Variants in BTG4 observed in about 807,000 individuals in gnomAD.
BTG4 encodes the protein BTG anti-proliferation factor 4.
BTG4 carries 10 observed loss-of-function variants against 19.3 expected under a neutral mutation model. The ratio of observed to expected loss-of-function variants is 0.52; its 90% CI spans 0.32 to 0.88. The LOEUF is 0.88. BTG4 is among the 40% of genes least tolerant of loss of function. BTG4 has a pLI of 0.04. For missense variants in BTG4, 238 were observed against 281.9 expected (o/e 0.84, Z 1.11); for synonymous variants, 91 against 95.7 (o/e 0.95, Z 0.29).
the BTG4 span, among the ~76,000 whole-genome samples, chr11:111,446,606 A>G: frequency 6.7e-6 from 1 of 149,432 alleles, no homozygotes; most frequent in East Asian, 1.9e-4. Context: ...AAAAATAATT[A>G]AGATCATGAC....
downstream of BTG4, among the ~76,000 whole-genome samples, chr11:111,467,218 G>C (rs183068174): frequency 4.1e-4 from 62 of 152,236 alleles, 2 homozygotes; most frequent in East Asian, 0.012. Context: ...TTTTAAAATT[G>C]AGCAGAACAG....
chr11:111,502,051 G>T (rs189249047), intron 1 of BTG4, among the ~76,000 whole-genome samples: 2 of 152,186 alleles, frequency 1.3e-5, no homozygotes, highest in East Asian at 3.9e-4. Context: ...TTCCTCAGTG[G>T]CTGGGGTACC....
the BTG4 span, among the ~76,000 whole-genome samples, chr11:111,430,198 G>A: frequency 1.3e-5 from 2 of 152,080 alleles, no homozygotes; most frequent in Non-Finnish European, 2.9e-5. Context: ...AGGTTGCCAG[G>A]GTACAGCTTG....
chr11:111,506,045 C>T (rs1866431330), intron 1 of BTG4, among the ~76,000 whole-genome samples: 1 of 152,080 alleles, frequency 6.6e-6, no homozygotes, highest in Non-Finnish European at 1.5e-5. Context: ...ATTAATTCAA[C>T]CTCTATGGAA....
At chr11:111,396,472 C>T in the BTG4 span, among the ~76,000 whole-genome samples, 6 of 152,312 alleles carry the variant, frequency 3.9e-5, no homozygotes, top group South Asian at 2.1e-4. Flanking sequence ...CCACTAATTA[C>T]GATGGGAACA....
chr11:111,450,729 G>C, the BTG4 span: 1 of 152,368 alleles, frequency 6.6e-6, no homozygotes, highest in African/African-American at 2.4e-5. Context: ...TGCAGGGTCA[G>C]AGGGAATCCC....
At chr11:111,484,733 C>T (rs1237883606) in intron 5 of BTG4, among the ~76,000 whole-genome samples, 2 of 152,050 alleles carry the variant, frequency 1.3e-5, no homozygotes, top group Non-Finnish European at 2.9e-5. Context: ...AGAGGACCAA[C>T]AAAACAACCA....
chr11:111,402,491 A>G, the BTG4 span, among the ~76,000 whole-genome samples: 1 of 152,238 alleles, frequency 6.6e-6, no homozygotes, highest in Non-Finnish European at 1.5e-5. Context: ...AACCTGAGGA[A>G]AAGTGAATTC....
intron 5 of BTG4, among the ~76,000 whole-genome samples, chr11:111,485,731 G>A (rs1395288141): frequency 6.6e-6 from 1 of 151,978 alleles, no homozygotes. Context: ...ACCAGTAGAA[G>A]AAGTGAAAGA....
At chr11:111,419,299 T>A in the BTG4 span, among the ~76,000 whole-genome samples, 1 of 152,182 alleles carries the variant, frequency 6.6e-6, no homozygotes, top group Non-Finnish European at 1.5e-5. Flanking sequence ...GCCAATCAGT[T>A]CAGGAACCAA....
Position 111,489,465 on chromosome 11 carries a change from G to A in BTG4, c.662+5698C>T, listed in dbSNP as rs188999962. 4.9e-4 allele frequency among the ~76,000 whole-genome samples: 74 copies of A among 152,182 alleles called. No individual in the cohort carries two copies. In the East Asian group the frequency reaches 0.01, roughly 21 times the overall value. On this transcript the variant is annotated intron_variant, in intron 5 of 5. Transcript: ENST00000356018. ...CCAAAAGACAGGAAAACAGTATATC[G>A]AAGAGATATCTGCACTCCCATGTTT...
At chr11:111,505,689 C>T (rs924709659) in intron 1 of BTG4, among the ~76,000 whole-genome samples, 1 of 151,976 alleles carries the variant, frequency 6.6e-6, no homozygotes, top group African/African-American at 2.4e-5. Context: ...GATAAAAAGA[C>T]AACTCACAGA....
the BTG4 span, among the ~76,000 whole-genome samples, chr11:111,442,261 G>A: frequency 6.6e-6 from 1 of 151,418 alleles, no homozygotes; most frequent in Non-Finnish European, 1.5e-5. Flanking sequence ...AGCAATTTGG[G>A]AGGTCGAGGC....
At chr11:111,391,876 A>T in the BTG4 span, among the ~76,000 whole-genome samples, 343 of 152,254 alleles carry the variant, frequency 2.3e-3, 1 homozygote, top group Non-Finnish European at 4.5e-3. Flanking sequence ...GCAAGAATTA[A>T]CTACGGTTGA....
chr11:111,444,955 A>T, the BTG4 span, among the ~76,000 whole-genome samples: 1 of 152,192 alleles, frequency 6.6e-6, no homozygotes, highest in African/African-American at 2.4e-5. Flanking sequence ...GAAAACCATA[A>T]CCTTCTCTGT....
chr11:111,485,098 C>T (rs1466502858), intron 5 of BTG4, among the ~76,000 whole-genome samples: 2 of 152,048 alleles, frequency 1.3e-5, no homozygotes, highest in African/African-American at 4.8e-5. Context: ...AACACTGGAG[C>T]ACCCGGATTT....
At chr11:111,451,485 G>C in the BTG4 span, 1 of 424,890 alleles carries the variant, frequency 2.4e-6, no homozygotes, top group Non-Finnish European at 5.0e-6. Flanking sequence ...ACTGCTGCAG[G>C]CCAGGTGTGG....
exon 6 of BTG4, chr11:111,467,649 G>A (rs762950930): frequency 9.1e-6 from 7 of 767,190 alleles, no homozygotes; most frequent in African/African-American, 3.4e-5. Context: ...ACCAGGTGCT[G>A]CAAATTCATT....
At chr11:111,442,136 A>G in the BTG4 span, among the ~76,000 whole-genome samples, 9 of 152,268 alleles carry the variant, frequency 5.9e-5, no homozygotes, top group Admixed American at 5.2e-4. Flanking sequence ...TTGGTTTCTA[A>G]TAACATTCTC....
Sources: gnomAD v4.1 joint callset for allele counts (sites outside exome capture counted in the v4.1 genomes callset) on GRCh38, gnomAD v4.1.1 for gene constraint, MANE v1.5 for transcripts, NCBI Gene and HGNC (gene_info 2026-07-23, HGNC 2026-07-21) for gene names.